Variants in TCF3 observed in about 807,000 individuals in gnomAD.
The protein encoded by TCF3 is transcription factor E2-alpha.
TCF3 carries 54 observed loss-of-function variants against 72.3 expected under a neutral mutation model. The observed-to-expected ratio is 0.75, with a 90% CI of 0.60 to 0.94. The LOEUF (loss-of-function observed/expected upper bound fraction) is 0.94, where lower values mean the gene tolerates loss of function less well. TCF3 is among the 40% of genes least tolerant of loss of function. The pLI, the probability that TCF3 is intolerant of heterozygous loss-of-function variation, is 0.00. For missense variants in TCF3, 1,078 were observed against 934.4 expected (o/e 1.15, Z -2.00); for synonymous variants, 525 against 412.6 (o/e 1.27, Z -3.30).
Position 1,650,268 on chromosome 19 carries a change from G to A in TCF3, c.-20C>T, listed in dbSNP as rs1355796078. The A allele has an allele frequency of 1.7e-5, 26 of 1,552,962 alleles. No homozygotes were observed. Among genetic ancestry groups the A allele is most frequent in the Non-Finnish European group, 2.2e-5 (25 of 1,150,108 alleles). ...GTTCATTCTCCTGGGGCCAGGGCGG[G>A]CACCTCAGGCCTGGAAACCCTGCTT... is the stretch of plus-strand genomic sequence containing the variant. On this transcript the variant is annotated 5_prime_UTR_variant, in exon 2 of 19. Coordinates refer to ENST00000262965, the MANE Select transcript of TCF3 (RefSeq NM_003200.5).
chr19:1,626,703 G>A (rs1408438404), intron 6 of TCF3, among the ~76,000 whole-genome samples: 1 of 152,220 alleles, frequency 6.6e-6, no homozygotes, highest in East Asian at 1.9e-4. Flanking sequence ...GCGGCCCCTC[G>A]TTGCGGGGAC....
At chr19:1,650,612 G>A (rs2066871334) in intron 1 of TCF3, 2 of 275,714 alleles carry the variant, frequency 7.3e-6, no homozygotes, top group Non-Finnish European at 1.4e-5. Flanking sequence ...TGCACGCAGG[G>A]CAGCCAGAAC....
intron 3 of TCF3, among the ~76,000 whole-genome samples, chr19:1,644,380 C>A (rs1201111021): frequency 6.8e-6 from 1 of 148,140 alleles, no homozygotes; most frequent in Non-Finnish European, 1.5e-5. Context: ...GCGTTAACTG[C>A]ATGGACTGAA....
intron 18 of TCF3, 90 bp from the exon 19 acceptor site, chr19:1,611,939 G>GA (rs1480447146): frequency 4.5e-6 from 1 of 224,192 alleles, no homozygotes; most frequent in Non-Finnish European, 8.6e-6. Context: ...TCGGGGGGGG[G>GA]GGTGGGGGCA....
At chr19:1,638,588 G>C (rs2064797188) in intron 3 of TCF3, among the ~76,000 whole-genome samples, 2 of 152,226 alleles carry the variant, frequency 1.3e-5, no homozygotes, top group South Asian at 4.1e-4. Flanking sequence ...CAGCAGGGAA[G>C]AGAAATATAC....
chr19:1,610,936 G>GA lies in TCF3; in HGVS notation c.*770_*771insT, dbSNP rs2060938710. On this transcript the variant is annotated 3_prime_UTR_variant, in exon 19 of 19. Transcript: ENST00000262965. ...GTGCAGTGGCTTCCGGGGGGGGGGG[G>GA]GGACGGGGGGGCTCAGGTTTACACG... 5.4e-6 allele frequency: 1 copy of GA among 184,222 alleles called. No individual in the cohort carries two copies. The highest frequency in any genetic ancestry group is 2.5e-5 in the African/African-American group (1 of 40,690). 11.4% of individuals were successfully genotyped at this position (184,222 alleles called of 1,614,324 possible).
At chr19:1,621,329 T>G (rs1385112543) in intron 11 of TCF3, 138 bp from the exon 12 acceptor site, 1 of 1,093,006 alleles carries the variant, frequency 9.1e-7, no homozygotes, top group East Asian at 2.7e-5. Context: ...GGTTTCTGTC[T>G]GACCCCCTGA....
chr19:1,650,418 AGAGCCCTGGGGGCACGGG>A lies in TCF3; in HGVS notation c.-39-149_-39-132del, dbSNP rs1179811692. 9.0e-6 allele frequency: 6 copies of A among 665,532 alleles called. No homozygotes were observed. The East Asian group carries it at 1.1e-4, about 12-fold the overall frequency. The allele number at this position is 665,532 out of a possible 1,614,324, so 41.2% of individuals were successfully genotyped here. ...ACCGCCCTGGGGTCTGAGTTCCAGCAGAGCCCTGGGGGCACGGGGAGCCCTGGGAGCAGGCGCAGGGAA... is the reference window on the plus strand; with the variant it reads ...ACCGCCCTGGGGTCTGAGTTCCAGCAGAGCCCTGGGAGCAGGCGCAGGGAA... On this transcript the variant is annotated intron_variant, in intron 1 of 18. Transcript: ENST00000262965.
intron 4 of TCF3, 51 bp downstream of exon 4, chr19:1,632,281 C>A: frequency 1.3e-6 from 2 of 1,555,210 alleles, no homozygotes; most frequent in Non-Finnish European, 1.7e-6. Context: ...CCCTCGCCCC[C>A]AACTCTGGGG....
intron 18 of TCF3, 42 bp from the exon 19 acceptor site, chr19:1,611,891 G>A (rs989259942): frequency 5.9e-6 from 8 of 1,362,236 alleles, no homozygotes; most frequent in South Asian, 1.3e-5. Flanking sequence ...CGGTCCCAGG[G>A]AGGAGAAAGA....
chr19:1,618,504 C>A (rs75341856), intron 16 of TCF3, among the ~76,000 whole-genome samples: 15 of 151,414 alleles, frequency 9.9e-5, no homozygotes, highest in African/African-American at 3.4e-4. Flanking sequence ...TGCCCTGCCC[C>A]GCCCTCCCCC....
Position 1,650,214 on chromosome 19 carries a change from G to A in TCF3, c.35C>T (p.Thr12Ile). The A allele has an allele frequency of 6.4e-7, 1 of 1,573,134 alleles. No homozygotes were observed. The highest frequency in any genetic ancestry group is 8.6e-7 in the Non-Finnish European group (1 of 1,160,710). ...CAGGAGGTCACTGAGCTCCTTGTCT[G>A]TGCCCACAGGCGCCATCCTCTGCGG... ...NQPQRMAPVGTDKELSDLLDF... is the reference protein window; with the variant it reads ...NQPQRMAPVGIDKELSDLLDF... The change falls in exon 2 of 19, where the codon ACA becomes ATA. Residue 12 changes from threonine (T) to isoleucine (I), a missense_variant. Physicochemically the swap from Thr to Ile is moderately conservative, Grantham distance 89. Coordinates refer to ENST00000262965, the MANE Select transcript of TCF3 (RefSeq NM_003200.5).
rs368465042 is a variant in TCF3, at chr19:1,627,446, G to A, written c.299-20C>T. On this transcript the variant is annotated intron_variant, in intron 5 of 18. Transcript: ENST00000262965. ...TCTTGCCTGCAAGGGGAGAAGGAAG[G>A]TTAGTGGGAGGCGACCCCAAGGAAC... 2.0e-5 allele frequency: 33 copies of A among 1,610,986 alleles called. No homozygotes were observed. The African/African-American group carries it at 3.6e-4, about 18-fold the overall frequency.
At chr19:1,622,955 G>A (rs909374929) in intron 8 of TCF3, among the ~76,000 whole-genome samples, 10 of 152,230 alleles carry the variant, frequency 6.6e-5, no homozygotes, top group Non-Finnish European at 1.0e-4. Flanking sequence ...CTGTGCTGGA[G>A]CGGGAAGTAT....
chr19:1,650,186 G>A lies in TCF3; in HGVS notation c.63C>T (p.Asp21=). ...GTDKELSDLL[D]FSMMFPLPVT... ...GGGGGTCCTGGCTCACCATGCTGAAGTCCAGGAGGTCACTGAGCTCCTTGT... is the reference window on the plus strand; with the variant it reads ...GGGGGTCCTGGCTCACCATGCTGAAATCCAGGAGGTCACTGAGCTCCTTGT... The change falls in exon 2 of 19, where the codon GAC becomes GAT. Residue 21 remains aspartate (D), a synonymous_variant. Coordinates refer to ENST00000262965, the MANE Select transcript of TCF3 (RefSeq NM_003200.5). 6.4e-7 allele frequency: 1 copy of A among 1,570,496 alleles called. No homozygotes were observed. The highest frequency in any genetic ancestry group is 8.6e-7 in the Non-Finnish European group (1 of 1,159,264).
chr19:1,648,288 CAG>C (rs2066440860), intron 2 of TCF3, among the ~76,000 whole-genome samples: 2 of 152,200 alleles, frequency 1.3e-5, no homozygotes, highest in African/African-American at 2.4e-5. Context: ...CGGGCAGTCA[CAG>C]GGGCTGCCTC....
At chr19:1,646,277 T>C (rs2066080709) in intron 3 of TCF3, 78 bp downstream of exon 3, 15 of 1,437,810 alleles carry the variant, frequency 1.0e-5, no homozygotes, top group Non-Finnish European at 1.4e-5. Flanking sequence ...TGCCCCAGCC[T>C]CCCTCGCCCG....
intron 3 of TCF3, 125 bp downstream of exon 3, chr19:1,646,230 C>T: frequency 1.9e-6 from 2 of 1,059,978 alleles, no homozygotes; most frequent in Non-Finnish European, 2.7e-6. Flanking sequence ...CCCGACCCGG[C>T]CTGTGTGGCC....
At chr19:1,619,960 T>C (rs2146030030) in intron 13 of TCF3, 107 bp from the exon 14 acceptor site, 2 of 1,036,144 alleles carry the variant, frequency 1.9e-6, no homozygotes, top group East Asian at 2.7e-5. Flanking sequence ...CAGCCTCCGG[T>C]GATGCCCAAG....
Sources: allele counts gnomAD v4.1 joint callset (sites outside exome capture counted in the v4.1 genomes callset), GRCh38; gene constraint gnomAD v4.1.1; transcripts MANE v1.5; gene names NCBI Gene and HGNC (gene_info 2026-07-23, HGNC 2026-07-21).